CDH12: variants seen among roughly 807,000 people sequenced by gnomAD.
The protein encoded by CDH12 is cadherin 12.
Under a neutral mutation model 74.1 loss-of-function variants are expected in CDH12, and 41 were observed. The ratio of observed to expected loss-of-function variants is 0.55; its 90% CI spans 0.43 to 0.72. The LOEUF is 0.72. Among genes scored for constraint, CDH12 ranks in the 30% least tolerant of loss-of-function variants. The pLI is 0.00. For synonymous variants in CDH12, 399 were observed against 355.0 expected, an observed-to-expected ratio of 1.12 and a Z score of -1.39; for missense variants, 945 against 977.2, an observed-to-expected ratio of 0.97 and a Z score of 0.44.
chr5:22,847,869 T>TC (rs1737376968), intron 1 of CDH12, among the ~76,000 whole-genome samples: 2 of 150,900 alleles, frequency 1.3e-5, no homozygotes, highest in Non-Finnish European at 3.0e-5. Flanking sequence ...TTTCTTTTAT[T>TC]CTTTTTTTTT....
At chr5:22,791,383 C>T (rs2126383985) in intron 1 of CDH12, among the ~76,000 whole-genome samples, 1 of 152,228 alleles carries the variant, frequency 6.6e-6, no homozygotes, top group African/African-American at 2.4e-5. Context: ...ATTTGGAGCA[C>T]AACCATGAAG....
At chr5:22,681,336 G>A (rs1163200801) in intron 1 of CDH12, among the ~76,000 whole-genome samples, 1 of 151,502 alleles carries the variant, frequency 6.6e-6, no homozygotes, top group African/African-American at 2.4e-5. Context: ...GGGCATGAGA[G>A]GGTAAACTTC....
In CDH12 at chr5:22,428,340, C is replaced by A. The variant is rs183948940; in HGVS notation, c.-427-22989G>T. Among the ~76,000 whole-genome samples the A allele has an allele frequency of 3.3e-5, 5 of 151,998 alleles. No homozygotes were observed. The East Asian group carries it at 5.8e-4, about 18-fold the overall frequency. ...ATTAAAAGTCTATATTTTATCCTTTCTTTTACATGGAGTATGAACATTAAT... is the reference window on the plus strand; with the variant it reads ...ATTAAAAGTCTATATTTTATCCTTTATTTTACATGGAGTATGAACATTAAT... On this transcript the variant is annotated intron_variant, in intron 2 of 14. Coordinates refer to ENST00000382254, the MANE Select transcript of CDH12 (RefSeq NM_004061.5).
At chr5:22,630,197 C>T (rs1738509393) in intron 1 of CDH12, among the ~76,000 whole-genome samples, 1 of 151,970 alleles carries the variant, frequency 6.6e-6, no homozygotes, top group African/African-American at 2.4e-5. Context: ...GCAATTTACA[C>T]ATTTGTTGAT....
intron 4 of CDH12, chr5:22,172,654 T>C (rs1254452069): frequency 6.6e-6 from 1 of 151,846 alleles, no homozygotes; most frequent in Non-Finnish European, 1.5e-5. Flanking sequence ...ACATAAGTCA[T>C]AGTCTCTAAA....
intron 1 of CDH12, among the ~76,000 whole-genome samples, chr5:22,789,994 G>A (rs1377727278): frequency 6.6e-6 from 1 of 151,924 alleles, no homozygotes; most frequent in Non-Finnish European, 1.5e-5. Context: ...TGACATAAAA[G>A]AAATATTTTT....
intron 3 of CDH12, among the ~76,000 whole-genome samples, chr5:22,312,491 T>G (rs1037518750): frequency 1.3e-5 from 2 of 152,218 alleles, no homozygotes; most frequent in African/African-American, 4.8e-5. Flanking sequence ...TTTGTTTTCT[T>G]GTCACTTAAT....
At chr5:22,838,962 C>A (rs947613468) in intron 1 of CDH12, among the ~76,000 whole-genome samples, 3 of 152,128 alleles carry the variant, frequency 2.0e-5, no homozygotes, top group African/African-American at 7.2e-5. Flanking sequence ...TAGGCATGAG[C>A]CACTGTGCCC....
In CDH12 at chr5:22,565,400, A is replaced by G. The variant is rs373065622; in HGVS notation, c.-522-60036T>C. Reference sequence around the variant, plus strand: ...GGTTCTCTTTTCTCCTATAGCAGACATTTTCAACAAGGTGTGTTCAAAATA... The same window carrying G: ...GGTTCTCTTTTCTCCTATAGCAGACGTTTTCAACAAGGTGTGTTCAAAATA... On this transcript the variant is annotated intron_variant, in intron 1 of 14. Coordinates refer to ENST00000382254, the MANE Select transcript of CDH12 (RefSeq NM_004061.5). 1.1e-4 allele frequency among the ~76,000 whole-genome samples: 16 copies of G among 152,232 alleles called. No homozygotes were observed. The East Asian group carries it at 3.1e-3, about 29-fold the overall frequency.
intron 1 of CDH12, among the ~76,000 whole-genome samples, chr5:22,664,287 G>A (rs548098862): frequency 6.6e-6 from 1 of 152,144 alleles, no homozygotes; most frequent in Non-Finnish European, 1.5e-5. Flanking sequence ...AAGGAAAGAG[G>A]TTTAAATGAC....
chr5:22,229,680 A>T (rs1485619827), intron 3 of CDH12, among the ~76,000 whole-genome samples: 2 of 151,848 alleles, frequency 1.3e-5, no homozygotes, highest in Admixed American at 6.6e-5. Context: ...TCATTTTTTG[A>T]TTCTTTAGGA....
At chr5:22,262,479 T>A (rs1431852778) in intron 3 of CDH12, among the ~76,000 whole-genome samples, 2 of 151,806 alleles carry the variant, frequency 1.3e-5, no homozygotes, top group African/African-American at 4.8e-5. Context: ...TATTCCATGG[T>A]GTATATGTGC....
chr5:22,571,012 G>A (rs1014548173), intron 1 of CDH12, among the ~76,000 whole-genome samples: 3 of 152,146 alleles, frequency 2.0e-5, no homozygotes, highest in African/African-American at 7.2e-5. Context: ...CAAACTGTTA[G>A]TTTCAAACAT....
intron 4 of CDH12, among the ~76,000 whole-genome samples, chr5:22,108,289 C>T (rs1312640022): frequency 6.6e-6 from 1 of 152,154 alleles, no homozygotes; most frequent in Non-Finnish European, 1.5e-5. Flanking sequence ...CGTCTTCTGC[C>T]ACGACTGTGA....
chr5:22,668,356 A>G (rs1426815345), intron 1 of CDH12, among the ~76,000 whole-genome samples: 1 of 152,230 alleles, frequency 6.6e-6, no homozygotes, highest in Non-Finnish European at 1.5e-5. Context: ...AAAAATTAAA[A>G]GGAATTACTT....
chr5:22,251,788 T>A (rs1753144052), intron 3 of CDH12, among the ~76,000 whole-genome samples: 1 of 152,140 alleles, frequency 6.6e-6, no homozygotes, highest in South Asian at 2.1e-4. Context: ...AGCTGTGTCA[T>A]CTCTACCCTT....
chr5:22,137,251 A>G (rs1746517433), intron 4 of CDH12, among the ~76,000 whole-genome samples: 1 of 152,026 alleles, frequency 6.6e-6, no homozygotes, highest in Non-Finnish European at 1.5e-5. Flanking sequence ...TTTTAGTAGT[A>G]AATTCTACAT....
intron 6 of CDH12, among the ~76,000 whole-genome samples, chr5:21,951,803 A>C (rs900960946): frequency 1.3e-5 from 2 of 152,216 alleles, no homozygotes; most frequent in African/African-American, 4.8e-5. Context: ...TTTGAAGAAG[A>C]AGAGGAAGAA....
chr5:22,530,488 A>G (rs1204786086), intron 1 of CDH12, among the ~76,000 whole-genome samples: 1 of 149,310 alleles, frequency 6.7e-6, no homozygotes, highest in African/African-American at 2.5e-5. Context: ...GTCCACTAAA[A>G]ATACCTACCT....
Sources: gnomAD v4.1 joint callset for allele counts (sites outside exome capture counted in the v4.1 genomes callset) on GRCh38, gnomAD v4.1.1 for gene constraint, MANE v1.5 for transcripts, NCBI Gene and HGNC (gene_info 2026-07-23, HGNC 2026-07-21) for gene names.